MIGA1: variants seen among roughly 807,000 people sequenced by gnomAD.
The protein encoded by MIGA1 is mitoguardin 1.
A neutral mutation model predicts 82.0 loss-of-function variants in MIGA1; 58 were observed. The observed-to-expected ratio is 0.71, with a 90% confidence interval of 0.57 to 0.88. The LOEUF is 0.88. MIGA1 is among the 40% of genes least tolerant of loss of function. The pLI is 0.00. For synonymous variants in MIGA1, 249 were observed against 253.6 expected, an observed-to-expected ratio of 0.98 and a Z score of 0.17; for missense variants, 751 against 749.1, an observed-to-expected ratio of 1.00 and a Z score of -0.03.
Position 77,813,829 on chromosome 1 carries a change from C to T in MIGA1, c.733C>T (p.Leu245=). 2 of 1,614,180 alleles carry T rather than the reference C, an allele frequency of 1.2e-6. No individual in the cohort carries two copies. The highest frequency in any genetic ancestry group is 1.7e-6 in the Non-Finnish European group (2 of 1,180,028). The change falls in exon 6 of 16, where the codon CTG becomes TTG. Residue 245 remains leucine, a synonymous_variant. Transcript: ENST00000370791. The stretch of plus-strand genomic sequence containing the variant: ...AGATGAAGCCTGTGGTTCCATTAAA[C>T]TGGGTGCAGGAGATGCCATTGCTGA...
Position 77,803,352 on chromosome 1 carries a change from T to C in MIGA1, c.456T>C (p.Tyr152=). 6.4e-7 allele frequency: 1 copy of C among 1,569,208 alleles called. No individual in the cohort carries two copies. Among genetic ancestry groups the C allele is most frequent in the Non-Finnish European group, 8.7e-7 (1 of 1,155,154 alleles). ...ACAAAGGATCTCAAGTTTGTAACTA[T>C]GCTAATGGAGGACTTTTCAGTAAAT... The change falls in exon 4 of 16, where the codon TAT becomes TAC. Residue 152 remains tyrosine (Y), a synonymous_variant. Transcript: ENST00000370791.
chr1:77,852,408 GTTAC>G (rs1685087924), intron 8 of MIGA1, among the ~76,000 whole-genome samples: 1 of 152,060 alleles, frequency 6.6e-6, no homozygotes, highest in Admixed American at 6.6e-5. Context: ...GAGGGGAAAT[GTTAC>G]TTAAAGTAGA....
intron 2 of MIGA1, among the ~76,000 whole-genome samples, chr1:77,785,347 T>A (rs982561621): frequency 2.0e-5 from 3 of 148,426 alleles, no homozygotes; most frequent in Non-Finnish European, 4.5e-5. Context: ...AGTCAAAAAT[T>A]TTTTTTTTTT....
intron 2 of MIGA1, among the ~76,000 whole-genome samples, chr1:77,798,623 A>G (rs1468304094): frequency 6.6e-6 from 1 of 152,170 alleles, no homozygotes; most frequent in Non-Finnish European, 1.5e-5. Flanking sequence ...GGGCGCTACA[A>G]TTCAAGATGA....
intron 13 of MIGA1, 146 bp downstream of exon 13, chr1:77,864,174 A>C: frequency 1.4e-6 from 1 of 691,240 alleles, no homozygotes; most frequent in Non-Finnish European, 2.3e-6. Flanking sequence ...CAGCCTGGCC[A>C]ACATGGTGAA....
chr1:77,857,198 T>G (rs1685292269), intron 8 of MIGA1, among the ~76,000 whole-genome samples: 1 of 152,174 alleles, frequency 6.6e-6, no homozygotes, highest in Admixed American at 6.5e-5. Context: ...AGGTCCTTTT[T>G]GGAGTTGATT....
intron 14 of MIGA1, among the ~76,000 whole-genome samples, chr1:77,869,539 C>T (rs1685821708): frequency 7.2e-6 from 1 of 138,158 alleles, no homozygotes; most frequent in Non-Finnish European, 1.6e-5. Flanking sequence ...GCGCCCCTCA[C>T]CTCCCGGATG....
intron 2 of MIGA1, among the ~76,000 whole-genome samples, chr1:77,791,456 A>C (rs1372560634): frequency 6.6e-6 from 1 of 151,966 alleles, no homozygotes; most frequent in Non-Finnish European, 1.5e-5. Context: ...ACTGAGGGTC[A>C]TTTAATATTA....
chr1:77,806,827 A>T, intron 4 of MIGA1, 148 bp from the exon 5 acceptor site: 9 of 538,628 alleles, frequency 1.7e-5, no homozygotes, highest in Admixed American at 3.1e-5. Context: ...AGTTTGATTG[A>T]TTATCATCAG....
chr1:77,799,404 T>C, intron 2 of MIGA1, among the ~76,000 whole-genome samples: 1 of 152,204 alleles, frequency 6.6e-6, no homozygotes, highest in Non-Finnish European at 1.5e-5. Flanking sequence ...TAAGCCATGA[T>C]GTTTGGTAGT....
At chr1:77,818,806 G>A (rs1019145596) in intron 7 of MIGA1, among the ~76,000 whole-genome samples, 5 of 151,974 alleles carry the variant, frequency 3.3e-5, no homozygotes, top group Admixed American at 6.6e-5. Context: ...TTGGCTGGGC[G>A]TGGTGGCTCA....
At chr1:77,846,061 G>A (rs1439229358) in intron 8 of MIGA1, among the ~76,000 whole-genome samples, 4 of 151,114 alleles carry the variant, frequency 2.6e-5, no homozygotes, top group African/African-American at 9.8e-5. Flanking sequence ...TAGTTGTGCA[G>A]CCAGCACTAC....
chr1:77,793,670 A>G (rs1682529461), intron 2 of MIGA1, among the ~76,000 whole-genome samples: 1 of 148,302 alleles, frequency 6.7e-6, no homozygotes, highest in East Asian at 2.0e-4. Flanking sequence ...GGGTTTCACC[A>G]TGTTGCCCAG....
chr1:77,829,722 C>T (rs896260156), intron 7 of MIGA1, among the ~76,000 whole-genome samples: 8 of 152,256 alleles, frequency 5.3e-5, no homozygotes, highest in Non-Finnish European at 1.0e-4. Context: ...CCTCCCATCT[C>T]GGCCTCCCAA....
chr1:77,815,952 C>G (rs1362201089), intron 7 of MIGA1, among the ~76,000 whole-genome samples: 1 of 150,770 alleles, frequency 6.6e-6, no homozygotes, highest in South Asian at 2.1e-4. Context: ...TTCTTTTTTT[C>G]TTTTTGAGGC....
In MIGA1 at chr1:77,877,369, A is replaced by G. The variant is rs1646901981; in HGVS notation, c.*2305A>G. On this transcript the variant is annotated 3_prime_UTR_variant, in exon 16 of 16. Coordinates refer to ENST00000370791, the MANE Select transcript of MIGA1 (RefSeq NM_198549.4). ...AACATACAAATTATCACTGTTCTTT[A>G]GTATATAGCTCCTTGCCTTTTCTTA... 2 of 152,224 alleles carry G rather than the reference A, an allele frequency of 1.3e-5. No individual in the cohort carries two copies. Among genetic ancestry groups the G allele is most frequent in the African/African-American group, 2.4e-5 (1 of 41,460 alleles). 9.4% of individuals were successfully genotyped at this position (152,224 alleles called of 1,614,324 possible).
chr1:77,787,515 A>G (rs913252171), intron 2 of MIGA1, among the ~76,000 whole-genome samples: 2 of 150,798 alleles, frequency 1.3e-5, no homozygotes, highest in African/African-American at 2.4e-5. Flanking sequence ...TAGCCTCCTG[A>G]GTAGCTGAGA....
chr1:77,783,976 A>G (rs2101680465), intron 2 of MIGA1, among the ~76,000 whole-genome samples: 1 of 152,320 alleles, frequency 6.6e-6, no homozygotes, highest in South Asian at 2.1e-4. Flanking sequence ...TCCATGTTGT[A>G]GCATATGTCA....
At chr1:77,801,564 A>G (rs1682886437) in intron 3 of MIGA1, 56 bp downstream of exon 3, 4 of 1,454,630 alleles carry the variant, frequency 2.7e-6, no homozygotes, top group Non-Finnish European at 3.6e-6. Context: ...TAACTGGAAT[A>G]CAGTGATTTT....
Sources: allele counts gnomAD v4.1 joint callset (sites outside exome capture counted in the v4.1 genomes callset), GRCh38; gene constraint gnomAD v4.1.1; transcripts MANE v1.5; gene names NCBI Gene and HGNC (gene_info 2026-07-23, HGNC 2026-07-21).